NRG3: variants seen among roughly 807,000 people sequenced by gnomAD.
NRG3 encodes the protein neuregulin 3, also known as pro-neuregulin-3, membrane-bound isoform.
Under a neutral mutation model 66.9 loss-of-function variants are expected in NRG3, and 31 were observed. That is an observed-to-expected ratio of 0.46 (90% confidence interval 0.35 to 0.63). The LOEUF is 0.63. NRG3 is among the 20% of genes least tolerant of loss of function. The pLI, the probability that NRG3 is intolerant of heterozygous loss-of-function variation, is 0.00. For missense variants in NRG3, 910 were observed against 878.9 expected, an observed-to-expected ratio of 1.04 and a Z score of -0.45; for synonymous variants, 393 against 359.4, an observed-to-expected ratio of 1.09 and a Z score of -1.06.
At chr10:82,087,170 G>A (rs2065774601) in intron 1 of NRG3, among the ~76,000 whole-genome samples, 1 of 152,114 alleles carries the variant, frequency 6.6e-6, no homozygotes, top group Non-Finnish European at 1.5e-5. Flanking sequence ...AGGACAGGCT[G>A]GTGGTTTTAT....
chr10:82,628,230 A>G (rs1281709974), intron 2 of NRG3, among the ~76,000 whole-genome samples: 3 of 152,228 alleles, frequency 2.0e-5, no homozygotes, highest in African/African-American at 7.2e-5. Flanking sequence ...CATTTTATAT[A>G]TATTTTAGTT....
chr10:82,421,766 G>C (rs2089094910), intron 2 of NRG3, among the ~76,000 whole-genome samples: 1 of 152,022 alleles, frequency 6.6e-6, no homozygotes, highest in African/African-American at 2.4e-5. Flanking sequence ...TTCTAGTTCA[G>C]TTCCTGAGTA....
chr10:82,582,986 A>G (rs1254863936), intron 2 of NRG3, among the ~76,000 whole-genome samples: 1 of 152,168 alleles, frequency 6.6e-6, no homozygotes, highest in Non-Finnish European at 1.5e-5. Flanking sequence ...AGCACAGCAG[A>G]CTGAGAATTC....
chr10:82,058,099 G>A (rs2063945418), intron 1 of NRG3, among the ~76,000 whole-genome samples: 1 of 151,750 alleles, frequency 6.6e-6, no homozygotes, highest in African/African-American at 2.4e-5. Flanking sequence ...GGAAATAAGG[G>A]GTGTCATGTT....
chr10:82,665,345 C>G (rs2052681186), intron 2 of NRG3, among the ~76,000 whole-genome samples: 1 of 152,188 alleles, frequency 6.6e-6, no homozygotes, highest in African/African-American at 2.4e-5. Flanking sequence ...TTATTATCAT[C>G]AACAATTTTT....
intron 1 of NRG3, among the ~76,000 whole-genome samples, chr10:82,180,007 A>G (rs141933179): frequency 6.6e-6 from 1 of 151,650 alleles, no homozygotes; most frequent in Non-Finnish European, 1.5e-5. Context: ...GCTATTGTAA[A>G]TGTAATTATT....
chr10:82,040,336 C>T (rs370167023), intron 1 of NRG3, among the ~76,000 whole-genome samples: 1 of 152,028 alleles, frequency 6.6e-6, no homozygotes, highest in East Asian at 1.9e-4. Flanking sequence ...CATATGTATA[C>T]ACATGCACAC....
chr10:82,306,932 G>C (rs962383833), intron 1 of NRG3, among the ~76,000 whole-genome samples: 1 of 151,828 alleles, frequency 6.6e-6, no homozygotes, highest in African/African-American at 2.4e-5. Context: ...TTGATATCCA[G>C]TACCAGTCTT....
At chr10:82,532,765 T>A (rs2132662084) in intron 2 of NRG3, among the ~76,000 whole-genome samples, 1 of 151,612 alleles carries the variant, frequency 6.6e-6, no homozygotes, top group East Asian at 1.9e-4. Context: ...AAGATCCTGA[T>A]CTCAGTACTT....
intron 1 of NRG3, among the ~76,000 whole-genome samples, chr10:81,905,010 C>T (rs1844448433): frequency 6.6e-6 from 1 of 152,150 alleles, no homozygotes; most frequent in Non-Finnish European, 1.5e-5. Flanking sequence ...AAATACCAGG[C>T]GTCCAGAACA....
chr10:82,985,492 A>G lies in NRG3; in HGVS notation c.1978A>G (p.Ser660Gly). The G allele has an allele frequency of 1.2e-6, 2 of 1,614,116 alleles. No individual in the cohort carries two copies. The highest frequency in any genetic ancestry group is 1.7e-6 in the Non-Finnish European group (2 of 1,180,010). ...ACTGGCCAGCGTAGAAACCGAGGACAGTGCAAGCGAAAACACAGCCTTTCT... is the reference window on the plus strand; with the variant it reads ...ACTGGCCAGCGTAGAAACCGAGGACGGTGCAAGCGAAAACACAGCCTTTCT... ...YELASVETED[S>G]ASENTAFLPL... The change falls in exon 9 of 9, where the codon AGT becomes GGT. Residue 660 changes from serine to glycine, a missense_variant. Physicochemically the swap from Ser to Gly is moderately conservative, Grantham distance 56. Transcript: ENST00000372141.
rs567778438 is a variant in NRG3, at chr10:82,848,478, T to TG, written c.1028-16932dup. Among the ~76,000 whole-genome samples the TG allele has an allele frequency of 4.6e-5, 7 of 152,196 alleles. No homozygotes were observed. In the South Asian group the frequency reaches 1.4e-3, roughly 31 times the overall value. On this transcript the variant is annotated intron_variant, in intron 3 of 8. Transcript: ENST00000372141. ...CATTGTATCTAGGAAGTAACTAACT[T>TG]GCTTTGATTTTACAGGCTCATAGGT...
intron 4 of NRG3, among the ~76,000 whole-genome samples, chr10:82,905,405 A>G (rs1844637526): frequency 2.0e-5 from 3 of 152,038 alleles, no homozygotes; most frequent in African/African-American, 7.2e-5. Flanking sequence ...CTTTTTCTTC[A>G]TTCCACCAGG....
rs201801245 is a variant in NRG3, at chr10:82,980,250, AC to A, written c.1583+1135del. 9.3e-4 allele frequency among the ~76,000 whole-genome samples: 141 copies of A among 151,826 alleles called. 3 individuals carry two copies. In the East Asian group the frequency reaches 0.023, roughly 25 times the overall value. ...CAAATAATTGAGTAAAATAATATCA[AC>A]CCCCTGAAGATTGTTGGGCAGATTT... On this transcript the variant is annotated intron_variant, in intron 8 of 8. Transcript: ENST00000372141.
intron 1 of NRG3, among the ~76,000 whole-genome samples, chr10:82,332,062 A>G (rs2082162040): frequency 2.0e-5 from 3 of 152,190 alleles, no homozygotes; most frequent in Admixed American, 2.0e-4. Flanking sequence ...TATCGGAACC[A>G]TGGTCACATA....
At chr10:82,290,981 C>G (rs2079708516) in intron 1 of NRG3, among the ~76,000 whole-genome samples, 1 of 152,052 alleles carries the variant, frequency 6.6e-6, no homozygotes, top group Non-Finnish European at 1.5e-5. Flanking sequence ...CACACACAAA[C>G]ACACACACAT....
chr10:82,571,459 A>G (rs75305291), intron 2 of NRG3, among the ~76,000 whole-genome samples: 5,225 of 151,750 alleles, frequency 0.034, 313 homozygotes, highest in African/African-American at 0.12. Context: ...AGTGAAAAGT[A>G]GTACAAAAAT....
At chr10:82,009,826 G>C (rs1589768067) in intron 1 of NRG3, among the ~76,000 whole-genome samples, 1 of 152,206 alleles carries the variant, frequency 6.6e-6, no homozygotes, top group South Asian at 2.1e-4. Context: ...CATTTGCCTT[G>C]TGGAAGACTG....
chr10:82,101,819 C>T (rs1320017043), intron 1 of NRG3, among the ~76,000 whole-genome samples: 3 of 151,076 alleles, frequency 2.0e-5, no homozygotes. Flanking sequence ...TTTCTAAATG[C>T]ATTTACATCA....
Sources: gnomAD v4.1 joint callset for allele counts (sites outside exome capture counted in the v4.1 genomes callset) on GRCh38, gnomAD v4.1.1 for gene constraint, MANE v1.5 for transcripts, NCBI Gene and HGNC (gene_info 2026-07-23, HGNC 2026-07-21) for gene names.